Variants in COPA observed in about 807,000 individuals in gnomAD.
The protein encoded by COPA is coat protein complex I subunit alpha, also known as coatomer subunit alpha.
COPA carries 10 observed loss-of-function variants against 158.7 expected under a neutral mutation model. That is an observed-to-expected ratio of 0.06 (90% confidence interval 0.04 to 0.11). The LOEUF (loss-of-function observed/expected upper bound fraction) is 0.11, where lower values mean the gene tolerates loss of function less well. Among genes scored for constraint, COPA ranks in the 10% least tolerant of loss-of-function variants. The pLI is 1.00. For synonymous variants in COPA, 462 were observed against 542.8 expected (o/e 0.85, Z 2.07); for missense variants, 1,065 against 1,536.7 (o/e 0.69, Z 5.13).
intron 2 of COPA, 52 bp from the exon 3 acceptor site, chr1:160,340,034 T>C: frequency 1.3e-6 from 2 of 1,586,924 alleles, no homozygotes; most frequent in Non-Finnish European, 1.7e-6. Flanking sequence ...CTTTCTAATC[T>C]CTAAGGTGAT....
chr1:160,298,757 A>C (rs1193973161), intron 19 of COPA, 88 bp downstream of exon 19: 2 of 1,483,324 alleles, frequency 1.3e-6, no homozygotes, highest in East Asian at 2.3e-5. Context: ...CTGGCTAAAG[A>C]AGCAAGCCCA....
rs1318364444 is a variant in COPA, at chr1:160,306,383, A to G, written c.1413T>C (p.Ser471=). Reference sequence around the variant, plus strand: ...TCTGCTGTACGTCAAAGAGTGTGATAGAGTCCGCATCTCGAAGCAGGAGAT... The same window carrying G: ...TCTGCTGTACGTCAAAGAGTGTGATGGAGTCCGCATCTCGAAGCAGGAGAT... ...TGNLLLRDAD[S]ITLFDVQQKR... is the part of the protein sequence containing the mutation. The change falls in exon 15 of 33, where the codon TCT becomes TCC. Residue 471 remains serine (S), a synonymous_variant. Coordinates refer to ENST00000241704, the MANE Select transcript of COPA (RefSeq NM_004371.4). 1 of 1,612,550 alleles carries G rather than the reference A, an allele frequency of 6.2e-7. No homozygotes were observed. Among genetic ancestry groups the G allele is most frequent in the Admixed American group, 1.7e-5 (1 of 59,902 alleles).
chr1:160,313,314 G>C (rs1056399833), intron 9 of COPA, 147 bp from the exon 10 acceptor site: 3 of 654,616 alleles, frequency 4.6e-6, no homozygotes, highest in Non-Finnish European at 7.9e-6. Context: ...CAGTAGTCGT[G>C]ATAAATTCTA....
chr1:160,315,160 C>T (rs972789382), intron 8 of COPA, among the ~76,000 whole-genome samples: 7 of 152,136 alleles, frequency 4.6e-5, no homozygotes, highest in Non-Finnish European at 1.0e-4. Flanking sequence ...TCCACATCTG[C>T]AATGGCCCTC....
At position 160,294,916 on chromosome 1, in the gene COPA, C is replaced by T. The variant is rs1455472345; in HGVS notation, c.2477-59G>A. 3.4e-6 allele frequency: 5 copies of T among 1,462,102 alleles called. No individual in the cohort carries two copies. The African/African-American group carries it at 7.0e-5, about 20-fold the overall frequency. The allele number at this position is 1,462,102 out of a possible 1,614,324, so 90.6% of individuals were successfully genotyped here. On this transcript the variant is annotated intron_variant, in intron 23 of 32. Coordinates refer to ENST00000241704, the MANE Select transcript of COPA (RefSeq NM_004371.4). ...TAGTCCAGCAAGTCTGAGATACGGCCTTTTCTGTAGGCAGGTTAAATCCTT... is the reference window on the plus strand; with the variant it reads ...TAGTCCAGCAAGTCTGAGATACGGCTTTTTCTGTAGGCAGGTTAAATCCTT...
In COPA at chr1:160,310,258, A is replaced by G. The variant is rs753889492; in HGVS notation, c.1077T>C (p.Ser359=). The change falls in exon 12 of 33, where the codon AGT becomes AGC. Residue 359 remains serine (S), a splice_region_variant and synonymous_variant. Coordinates refer to ENST00000241704, the MANE Select transcript of COPA (RefSeq NM_004371.4). The part of the protein sequence containing the change: ...SKDVAVMQLR[S]GSKFPVFNMS... ...TATTGAATACTGGAAACTTGGAACC[A>G]CTAGAGATATATATAGAAAAAGGAG... 2 of 1,591,218 alleles carry G rather than the reference A, an allele frequency of 1.3e-6. No individual in the cohort carries two copies. Among genetic ancestry groups the G allele is most frequent in the East Asian group, 2.3e-5 (1 of 44,294 alleles).
chr1:160,324,893 T>G (rs983388126), intron 7 of COPA, among the ~76,000 whole-genome samples: 1 of 152,168 alleles, frequency 6.6e-6, no homozygotes, highest in Non-Finnish European at 1.5e-5. Flanking sequence ...ATATGGTATA[T>G]TGTGACAGAA....
chr1:160,312,435 A>T (rs1369007694), intron 10 of COPA, among the ~76,000 whole-genome samples: 4 of 151,280 alleles, frequency 2.6e-5, no homozygotes, highest in African/African-American at 9.7e-5. Flanking sequence ...GAAAAAATGG[A>T]TGTTAAAAAC....
chr1:160,339,034 C>T (rs187757657), intron 3 of COPA, among the ~76,000 whole-genome samples: 4 of 146,566 alleles, frequency 2.7e-5, no homozygotes, highest in Admixed American at 2.0e-4. Context: ...AAACTATCTC[C>T]TCCTGATTTT....
chr1:160,335,194 T>C (rs1453612982), intron 4 of COPA, 48 bp downstream of exon 4: 2 of 1,510,844 alleles, frequency 1.3e-6, no homozygotes, highest in African/African-American at 1.4e-5. Context: ...AAGATTACTA[T>C]GGGGAAACTA....
chr1:160,303,744 C>T (rs1391537327), intron 17 of COPA, among the ~76,000 whole-genome samples: 1 of 152,114 alleles, frequency 6.6e-6, no homozygotes, highest in Non-Finnish European at 1.5e-5. Flanking sequence ...AATCAGAAGA[C>T]ATGCTACAAA....
rs2101860231 is a variant in COPA at position 160,323,490 on chromosome 1, G to A, written c.647C>T (p.Thr216Ile). 2 of 1,611,186 alleles carry A rather than the reference G, an allele frequency of 1.2e-6. No homozygotes were observed. Among genetic ancestry groups the A allele is most frequent in the Admixed American group, 3.3e-5 (2 of 59,820 alleles). The change falls in exon 8 of 33, where the codon ACT becomes ATT. Residue 216 changes from threonine to isoleucine, a missense_variant. Around this residue, in one of 2 missense-constraint regions of COPA, gnomAD observed 980 missense variants for 1,357.8 expected, o/e 0.72. Transcript: ENST00000241704. ...RGVNWAAFHP[T>I]MPLIVSGADD... ...TGCCCCAGATACAATAAGGGGCATA[G>A]TGGGGTGGAAGGCAGCCCAGTTTAC...
chr1:160,325,066 T>C (rs1290645160), intron 7 of COPA, among the ~76,000 whole-genome samples: 2 of 151,242 alleles, frequency 1.3e-5, no homozygotes, highest in Non-Finnish European at 2.9e-5. Context: ...TCTCTAAATC[T>C]CTTTTTTTTT....
intron 14 of COPA, among the ~76,000 whole-genome samples, 163 bp from the exon 15 acceptor site, chr1:160,306,656 C>T (rs1452056211): frequency 6.6e-6 from 1 of 152,182 alleles, no homozygotes; most frequent in African/African-American, 2.4e-5. Flanking sequence ...CAACCAAGAT[C>T]TTCTCTAAGG....
At chr1:160,337,179 C>T (rs1055942112) in intron 3 of COPA, among the ~76,000 whole-genome samples, 22 of 152,300 alleles carry the variant, frequency 1.4e-4, no homozygotes, top group South Asian at 2.1e-4. Context: ...AATGTCTTGA[C>T]TCCTTTAATG....
chr1:160,332,381 C>G, intron 6 of COPA, 67 bp downstream of exon 6: 1 of 1,038,074 alleles, frequency 9.6e-7, no homozygotes. Context: ...ACTCTCCTCA[C>G]TATTTTAAGC....
intron 7 of COPA, among the ~76,000 whole-genome samples, chr1:160,325,146 A>G (rs1380764288): frequency 6.6e-6 from 1 of 151,970 alleles, no homozygotes; most frequent in African/African-American, 2.4e-5. Context: ...AATTTTTTAG[A>G]ACAAAAACTA....
intron 6 of COPA, among the ~76,000 whole-genome samples, chr1:160,326,398 G>A (rs973261006): frequency 4.6e-5 from 7 of 152,188 alleles, no homozygotes; most frequent in Admixed American, 2.0e-4. Flanking sequence ...GCAGTGGCGC[G>A]AGCCTGTAGT....
At chr1:160,316,170 C>T (rs1475335971) in intron 8 of COPA, among the ~76,000 whole-genome samples, 8 of 151,798 alleles carry the variant, frequency 5.3e-5, no homozygotes, top group African/African-American at 1.7e-4. Context: ...CCAGCCTGGC[C>T]GACATAGTGA....
Sources: allele counts gnomAD v4.1 joint callset (sites outside exome capture counted in the v4.1 genomes callset), GRCh38; gene constraint gnomAD v4.1.1; regional missense constraint gnomAD v4.1.1; transcripts MANE v1.5; gene names NCBI Gene and HGNC (gene_info 2026-07-23, HGNC 2026-07-21).